GNAS-AS1: variants seen among roughly 807,000 people sequenced by gnomAD.
GNAS-AS1 encodes the protein GNAS antisense RNA 1.
intron 4 of GNAS-AS1, among the ~76,000 whole-genome samples, chr20:58,837,602 C>T (rs1377561191): frequency 6.6e-6 from 1 of 152,216 alleles, no homozygotes; most frequent in Non-Finnish European, 1.5e-5. Flanking sequence ...GTCAACACGC[C>T]TGGCTAATTT....
At chr20:58,848,741 C>A in intron 2 of GNAS-AS1, 1 of 394,704 alleles carries the variant, frequency 2.5e-6, no homozygotes, top group Non-Finnish European at 4.5e-6. Flanking sequence ...CCGATCACCC[C>A]CAGCTCTTAC....
chr20:58,846,180 G>A (rs141989819), intron 2 of GNAS-AS1, among the ~76,000 whole-genome samples: 1 of 152,260 alleles, frequency 6.6e-6, no homozygotes, highest in Admixed American at 6.5e-5. Flanking sequence ...TTAGAAATGG[G>A]GAAGGGGGTC....
intron 4 of GNAS-AS1, among the ~76,000 whole-genome samples, chr20:58,822,764 C>T (rs566092340): frequency 1.3e-5 from 2 of 152,134 alleles, no homozygotes; most frequent in East Asian, 3.9e-4. Flanking sequence ...CAGGAAACTG[C>T]CTTGGCAGAT....
At chr20:58,827,353 T>A (rs997210594) in intron 4 of GNAS-AS1, among the ~76,000 whole-genome samples, 12 of 151,990 alleles carry the variant, frequency 7.9e-5, no homozygotes, top group Admixed American at 3.9e-4. Flanking sequence ...AGGGTCGTGC[T>A]AGCAGGGGAT....
chr20:58,840,925 G>A lies in GNAS-AS1; in HGVS notation n.819+1012C>T, dbSNP rs750784274. ...CGCTAAACTGGGGAGCCTGAGGGCG[G>A]TGTGGGAGCAGCGCAGGTGGAAAGG... On this transcript the variant is annotated intron_variant and non_coding_transcript_variant, in intron 4 of 4. Transcript: ENST00000424094. The surrounding 1 kb of genome is among the most constrained non-coding windows in gnomAD (Gnocchi z 6.0). The A allele has an allele frequency of 6.8e-6, 11 of 1,606,638 alleles. No homozygotes were observed. Among genetic ancestry groups the A allele is most frequent in the Non-Finnish European group, 9.4e-6 (11 of 1,176,282 alleles).
chr20:58,822,256 T>G (rs1034339802), intron 4 of GNAS-AS1, among the ~76,000 whole-genome samples: 1 of 152,224 alleles, frequency 6.6e-6, no homozygotes, highest in Non-Finnish European at 1.5e-5. Flanking sequence ...GACCCTTGTT[T>G]CTTATAAGAT....
At chr20:58,846,489 A>G (rs4812040) in intron 2 of GNAS-AS1, among the ~76,000 whole-genome samples, 59,368 of 152,174 alleles carry the variant, frequency 0.39, 14,629 homozygotes, top group East Asian at 0.81. Context: ...GAGTTTTCAT[A>G]CAAGTACTTC....
exon 1 of GNAS-AS1, chr20:58,850,858 C>A (rs887401052): frequency 2.5e-5 from 10 of 398,774 alleles, no homozygotes; most frequent in Non-Finnish European, 4.4e-5. Context: ...CGGCTTCCAA[C>A]CACCCCAGCA....
In GNAS-AS1 at chr20:58,841,241, C is replaced by T; in HGVS notation, n.819+696G>A. On this transcript the variant is annotated intron_variant and non_coding_transcript_variant, in intron 4 of 4. Coordinates refer to ENST00000424094, the Ensembl canonical transcript of GNAS-AS1. This position sits in a 1 kb window ranked among gnomAD's most constrained non-coding sequence, Gnocchi z 5.0. The stretch of plus-strand genomic sequence containing the variant: ...GCATTGGTAAGTCACTTGTTTTGCG[C>T]GCTTTTCTTCCTCCTAGAAAGACTA... 6.7e-6 allele frequency: 6 copies of T among 890,776 alleles called. No individual in the cohort carries two copies. The highest frequency in any genetic ancestry group is 8.5e-6 in the Non-Finnish European group (6 of 702,698). The allele number at this position is 890,776 out of a possible 1,614,324, so 55.2% of individuals were successfully genotyped here. A position where few individuals can be genotyped will look rare whatever the true frequency, so the allele number is the denominator to read the frequency against.
intron 2 of GNAS-AS1, among the ~76,000 whole-genome samples, chr20:58,845,294 G>T (rs2085903661): frequency 2.0e-5 from 3 of 152,160 alleles, no homozygotes; most frequent in Non-Finnish European, 4.4e-5. Context: ...ACAGCTATTT[G>T]AGATAAACCA....
intron 4 of GNAS-AS1, among the ~76,000 whole-genome samples, chr20:58,837,587 C>T (rs897915043): frequency 2.6e-5 from 4 of 152,226 alleles, no homozygotes; most frequent in Non-Finnish European, 4.4e-5. Context: ...GAACTACAAG[C>T]GTGCGTCAAC....
In GNAS-AS1 at chr20:58,841,874, A is replaced by G; in HGVS notation, n.819+63T>C. The stretch of plus-strand genomic sequence containing the variant: ...GCCCTCGAGATCGTCGCAAGTGGAA[A>G]GGTAAAGCGGAACAAGGGACAGGCT... On this transcript the variant is annotated intron_variant and non_coding_transcript_variant, in intron 4 of 4. Transcript: ENST00000424094. The surrounding 1 kb of genome is among the most constrained non-coding windows in gnomAD (Gnocchi z 5.0). 2.4e-6 allele frequency: 3 copies of G among 1,231,348 alleles called. No homozygotes were observed. The Admixed American group carries it at 1.3e-4, about 52-fold the overall frequency. The allele number at this position is 1,231,348 out of a possible 1,614,324, so 76.3% of individuals were successfully genotyped here.
chr20:58,827,580 C>T (rs980896389), intron 4 of GNAS-AS1, among the ~76,000 whole-genome samples: 5 of 152,190 alleles, frequency 3.3e-5, no homozygotes, highest in Non-Finnish European at 5.9e-5. Flanking sequence ...GCTGAATGCA[C>T]GTCGACAGGG....
At chr20:58,824,651 C>T (rs1041304285) in intron 4 of GNAS-AS1, among the ~76,000 whole-genome samples, 1 of 152,154 alleles carries the variant, frequency 6.6e-6, no homozygotes, top group Non-Finnish European at 1.5e-5. Context: ...AAGAACACAG[C>T]CAAGAACTTC....
rs1194949592 is a variant in GNAS-AS1, at chr20:58,841,536, T to C, written n.819+401A>G. 1 of 994,628 alleles carries C rather than the reference T, an allele frequency of 1.0e-6. No homozygotes were observed. The highest frequency in any genetic ancestry group is 1.2e-6 in the Non-Finnish European group (1 of 836,616). The allele number at this position is 994,628 out of a possible 1,614,324, so 61.6% of individuals were successfully genotyped here. A position where few individuals can be genotyped will look rare whatever the true frequency, so the allele number is the denominator to read the frequency against. On this transcript the variant is annotated intron_variant and non_coding_transcript_variant, in intron 4 of 4. Coordinates refer to ENST00000424094, the Ensembl canonical transcript of GNAS-AS1. The surrounding 1 kb of genome is among the most constrained non-coding windows in gnomAD (Gnocchi z 5.0). ...TCCGCGCCAGTGCCTCCAGCTGCCG[T>C]GCGCCAGCCTTGGCCGCCACAGCCC...
intron 4 of GNAS-AS1, among the ~76,000 whole-genome samples, chr20:58,822,890 G>A (rs545476556): frequency 1.3e-5 from 2 of 152,172 alleles, no homozygotes; most frequent in East Asian, 1.9e-4. Flanking sequence ...ACGTGTTCCC[G>A]ACCTAGGGCT....
rs951616510 is a variant in GNAS-AS1 at position 58,840,004 on chromosome 20, C to T, written n.819+1933G>A. The T allele has an allele frequency of 3.0e-6, 4 of 1,352,888 alleles. No homozygotes were observed. The highest frequency in any genetic ancestry group is 4.2e-6 in the Non-Finnish European group (4 of 960,686). 83.8% of individuals were successfully genotyped at this position (1,352,888 alleles called of 1,614,324 possible). A position where few individuals can be genotyped will look rare whatever the true frequency, so the allele number is the denominator to read the frequency against. ...CTGGGACCTCCGGGCCAGCTTCTCA[C>T]CTCATAGGGTGTACCTTTCCCGGCT... On this transcript the variant is annotated intron_variant and non_coding_transcript_variant, in intron 4 of 4. Transcript: ENST00000424094. The surrounding 1 kb of genome is among the most constrained non-coding windows in gnomAD (Gnocchi z 6.0).
intron 4 of GNAS-AS1, among the ~76,000 whole-genome samples, chr20:58,823,423 G>A (rs1349112684): frequency 1.3e-5 from 2 of 152,232 alleles, no homozygotes; most frequent in Non-Finnish European, 2.9e-5. Flanking sequence ...GCTGGCAGGG[G>A]CTTGGGGGGC....
chr20:58,839,295 C>T (rs1193238704), intron 4 of GNAS-AS1: 1 of 398,490 alleles, frequency 2.5e-6, no homozygotes, highest in African/African-American at 2.1e-5. Flanking sequence ...TAATGGCTGC[C>T]CGAAGTTACC....
Sources: gnomAD v4.1 joint callset for allele counts (sites outside exome capture counted in the v4.1 genomes callset) on GRCh38, gnomAD v4.1.1 for gene constraint, Gnocchi (gnomAD v3.1) non-coding constraint, MANE v1.5 for transcripts, NCBI Gene and HGNC (gene_info 2026-07-23, HGNC 2026-07-21) for gene names.